The following CSMD3 variants were observed in gnomAD, a reference collection of about 807,000 sequenced individuals.
CSMD3 encodes CUB and sushi domain-containing protein 3.
A neutral mutation model predicts 435.2 loss-of-function variants in CSMD3; 177 were observed. The observed-to-expected ratio is 0.41, with a 90% CI of 0.36 to 0.46. The LOEUF (loss-of-function observed/expected upper bound fraction) is 0.46, where lower values mean the gene tolerates loss of function less well. Among genes scored for constraint, CSMD3 ranks in the 20% least tolerant of loss-of-function variants. CSMD3 has a pLI of 0.34. For synonymous variants in CSMD3, 1,656 were observed against 1,520.5 expected, an observed-to-expected ratio of 1.09 and a Z score of -2.07; for missense variants, 4,265 against 4,504.6, an observed-to-expected ratio of 0.95 and a Z score of 1.52.
Position 112,532,464 on chromosome 8 carries a change from C to T in CSMD3, c.4565-15239G>A, listed in dbSNP as rs1825634499. Among the ~76,000 whole-genome samples the T allele has an allele frequency of 2.0e-5, 3 of 151,992 alleles. 1 individual carries two copies. The South Asian group carries it at 6.2e-4, about 32-fold the overall frequency. On this transcript the variant is annotated intron_variant, in intron 27 of 70. Transcript: ENST00000297405. ...AGGACAAAGAGGATTCTACAAACAG[C>T]AAAAGCAAAGCAAATAACATATCAA...
rs1469658590 is a variant in CSMD3, at chr8:112,265,680, A to G, written c.9509-90T>C. ...AAGCATATGGCATACTTAATATATA[A>G]GCAGGAAAATTAGTTATCGTGTTCA... is the stretch of plus-strand genomic sequence containing the variant. On this transcript the variant is annotated intron_variant, in intron 59 of 70. Coordinates refer to ENST00000297405, the MANE Select transcript of CSMD3 (RefSeq NM_198123.2). The G allele has an allele frequency of 1.5e-5, 14 of 910,042 alleles. No homozygotes were observed. In the East Asian group the frequency reaches 3.4e-4, roughly 22 times the overall value. 56.4% of individuals were successfully genotyped at this position (910,042 alleles called of 1,614,324 possible).
chr8:112,380,630 A>G (rs1433586311), intron 37 of CSMD3, among the ~76,000 whole-genome samples, 174 bp from the exon 38 acceptor site: 1 of 152,112 alleles, frequency 6.6e-6, no homozygotes. Flanking sequence ...TCAATATACT[A>G]TTCCTGTTTC....
intron 2 of CSMD3, chr8:113,309,262 A>C (rs1419432791): frequency 6.6e-6 from 1 of 151,828 alleles, no homozygotes; most frequent in East Asian, 1.9e-4. Context: ...GGATTCAGAG[A>C]GTATATGTGC....
At chr8:112,369,597 C>A (rs1828123992) in intron 38 of CSMD3, among the ~76,000 whole-genome samples, 1 of 152,094 alleles carries the variant, frequency 6.6e-6, no homozygotes, top group Non-Finnish European at 1.5e-5. Context: ...TCATCCTCAG[C>A]AAACTAACAC....
At chr8:112,732,287 CAGTTA>C (rs2132018276) in intron 13 of CSMD3, among the ~76,000 whole-genome samples, 1 of 152,200 alleles carries the variant, frequency 6.6e-6, no homozygotes, top group Non-Finnish European at 1.5e-5. Flanking sequence ...AGCCCACAAA[CAGTTA>C]AGTTGTCTCT....
intron 16 of CSMD3, among the ~76,000 whole-genome samples, chr8:112,677,777 C>A (rs1236223410): frequency 6.6e-6 from 1 of 151,926 alleles, no homozygotes; most frequent in Non-Finnish European, 1.5e-5. Flanking sequence ...GAAACTTTCT[C>A]CTGAAATAAC....
intron 10 of CSMD3, among the ~76,000 whole-genome samples, chr8:112,869,959 G>T (rs2130024524): frequency 6.6e-6 from 1 of 152,206 alleles, no homozygotes; most frequent in South Asian, 2.1e-4. Flanking sequence ...ATGACAGGTT[G>T]ATAGGTGCAG....
intron 4 of CSMD3, among the ~76,000 whole-genome samples, chr8:113,139,155 T>A (rs1164081647): frequency 6.6e-6 from 1 of 150,726 alleles, no homozygotes; most frequent in Non-Finnish European, 1.5e-5. Flanking sequence ...TAAAAAAGAC[T>A]TGTCAGCAGT....
chr8:113,380,873 G>A (rs140345171), intron 1 of CSMD3, among the ~76,000 whole-genome samples: 2 of 152,012 alleles, frequency 1.3e-5, no homozygotes, highest in African/African-American at 4.8e-5. Flanking sequence ...GTCCTGATGT[G>A]CTGCAGTCTG....
intron 1 of CSMD3, among the ~76,000 whole-genome samples, chr8:113,406,286 T>C (rs947348635): frequency 6.6e-5 from 10 of 151,820 alleles, no homozygotes; most frequent in Non-Finnish European, 1.0e-4. Context: ...AATAGACATG[T>C]GATAAGGGCT....
chr8:112,896,515 C>T (rs114019828), intron 10 of CSMD3, among the ~76,000 whole-genome samples: 2,322 of 151,300 alleles, frequency 0.015, 55 homozygotes, highest in African/African-American at 0.053. Flanking sequence ...TTTATGATAC[C>T]AAATTTTCTT....
intron 53 of CSMD3, among the ~76,000 whole-genome samples, chr8:112,296,650 T>G (rs905325307): frequency 8.6e-5 from 13 of 152,030 alleles, no homozygotes; most frequent in Middle Eastern, 3.4e-3. Context: ...GTTTCAGTGC[T>G]TTTAGTAGAA....
At chr8:112,975,737 A>G (rs907507304) in intron 7 of CSMD3, 100 bp downstream of exon 7, 18 of 1,574,262 alleles carry the variant, frequency 1.1e-5, no homozygotes, top group Admixed American at 1.1e-4. Flanking sequence ...TTTGCTTTCT[A>G]TATCTTGGCT....
intron 10 of CSMD3, among the ~76,000 whole-genome samples, chr8:112,916,045 G>T (rs561307473): frequency 6.6e-6 from 1 of 151,826 alleles, no homozygotes; most frequent in South Asian, 2.1e-4. Flanking sequence ...TAAGTAAACT[G>T]ATGTTCAGAA....
chr8:112,699,788 A>G (rs952276650), intron 13 of CSMD3, among the ~76,000 whole-genome samples: 1 of 152,202 alleles, frequency 6.6e-6, no homozygotes, highest in African/African-American at 2.4e-5. Context: ...ATGTACCCAA[A>G]TTGAGGGATA....
At chr8:112,686,804 A>T (rs61291053) in intron 14 of CSMD3, among the ~76,000 whole-genome samples, 25,072 of 151,852 alleles carry the variant, frequency 0.17, 2,352 homozygotes, top group Middle Eastern at 0.33. Flanking sequence ...CATATTTTTT[A>T]AAAAATTGAA....
intron 6 of CSMD3, among the ~76,000 whole-genome samples, chr8:113,016,571 G>T (rs1019677198): frequency 1.3e-5 from 2 of 151,874 alleles, no homozygotes; most frequent in South Asian, 2.1e-4. Context: ...TTGGAAACCT[G>T]CAGATTCCTA....
intron 5 of CSMD3, among the ~76,000 whole-genome samples, chr8:113,066,279 G>A (rs974669708): frequency 1.5e-4 from 23 of 151,888 alleles, no homozygotes; most frequent in African/African-American, 4.8e-4. Flanking sequence ...GAACTCTAAC[G>A]TAGAGCACAA....
At chr8:112,639,227 G>C (rs2074748990) in intron 20 of CSMD3, among the ~76,000 whole-genome samples, 1 of 151,848 alleles carries the variant, frequency 6.6e-6, no homozygotes, top group African/African-American at 2.4e-5. Context: ...GTTTATAATA[G>C]AGGTGCAATT....
Sources: gnomAD v4.1 joint callset for allele counts (sites outside exome capture counted in the v4.1 genomes callset) on GRCh38, gnomAD v4.1.1 for gene constraint, MANE v1.5 for transcripts, NCBI Gene and HGNC (gene_info 2026-07-23, HGNC 2026-07-21) for gene names.